The following ZFAND3 variants were observed in gnomAD, a reference collection of about 807,000 sequenced individuals.
The protein encoded by ZFAND3 is zinc finger AN1-type containing 3.
Under a neutral mutation model 29.6 loss-of-function variants are expected in ZFAND3, and 10 were observed. The ratio of observed to expected loss-of-function variants is 0.34; its 90% confidence interval spans 0.21 to 0.57. The LOEUF (loss-of-function observed/expected upper bound fraction) is 0.57, where lower values mean the gene tolerates loss of function less well. ZFAND3 is among the 20% of genes least tolerant of loss of function. The pLI, the probability that ZFAND3 is intolerant of heterozygous loss-of-function variation, is 0.86. For synonymous variants in ZFAND3, 128 were observed against 112.6 expected (o/e 1.14, Z -0.87); for missense variants, 230 against 304.5 (o/e 0.76, Z 1.82).
At chr6:37,828,729 A>G (rs1309003041) in intron 1 of ZFAND3, among the ~76,000 whole-genome samples, 2 of 151,786 alleles carry the variant, frequency 1.3e-5, no homozygotes, top group Admixed American at 1.3e-4. Context: ...GCTCACTGCA[A>G]CCTCTGCCTC....
intron 2 of ZFAND3, among the ~76,000 whole-genome samples, chr6:37,993,811 A>G (rs1213214667): frequency 6.6e-6 from 1 of 152,216 alleles, no homozygotes; most frequent in East Asian, 1.9e-4. Context: ...TTGTCACGTG[A>G]TAATGATTGG....
At chr6:37,904,932 C>T (rs1234819770) in intron 1 of ZFAND3, among the ~76,000 whole-genome samples, 3 of 151,990 alleles carry the variant, frequency 2.0e-5, no homozygotes, top group Admixed American at 6.6e-5. Flanking sequence ...CTAGTGTGTA[C>T]GTGTGTGTAT....
intron 2 of ZFAND3, among the ~76,000 whole-genome samples, chr6:38,014,819 A>G (rs1346821086): frequency 6.6e-6 from 1 of 152,176 alleles, no homozygotes; most frequent in Non-Finnish European, 1.5e-5. Flanking sequence ...GGAAGATGGT[A>G]TAGAGTTAAG....
At chr6:38,045,108 A>G (rs1195295074) in intron 2 of ZFAND3, among the ~76,000 whole-genome samples, 1 of 102,670 alleles carries the variant, frequency 9.7e-6, no homozygotes, top group South Asian at 3.1e-4. Context: ...ATTTATTGAG[A>G]TGGAATCTCA....
intron 1 of ZFAND3, among the ~76,000 whole-genome samples, chr6:37,852,713 T>C (rs1227860919): frequency 1.3e-5 from 2 of 150,288 alleles, no homozygotes; most frequent in East Asian, 3.9e-4. Context: ...TTCCTTTTTC[T>C]TTTCTTTTTT....
chr6:37,979,239 T>C (rs1762540125), intron 2 of ZFAND3, among the ~76,000 whole-genome samples: 1 of 152,224 alleles, frequency 6.6e-6, no homozygotes, highest in South Asian at 2.1e-4. Context: ...TGGTGGTGTT[T>C]TAATATCCAT....
chr6:37,973,642 C>T (rs1194579386), intron 2 of ZFAND3, among the ~76,000 whole-genome samples: 1 of 152,190 alleles, frequency 6.6e-6, no homozygotes, highest in Non-Finnish European at 1.5e-5. Context: ...TTAGATAGCA[C>T]AGCTCTGAAG....
chr6:38,048,750 T>C (rs1763961260), intron 2 of ZFAND3, among the ~76,000 whole-genome samples: 1 of 152,088 alleles, frequency 6.6e-6, no homozygotes, highest in African/African-American at 2.4e-5. Context: ...GTAACTTTCT[T>C]ATGGTCATGC....
At chr6:37,881,075 G>A (rs1764887071) in intron 1 of ZFAND3, among the ~76,000 whole-genome samples, 1 of 151,326 alleles carries the variant, frequency 6.6e-6, no homozygotes, top group African/African-American at 2.4e-5. Context: ...ATTTATTTAT[G>A]TTTTTTGTTT....
At chr6:38,134,564 C>T (rs898781083) in intron 5 of ZFAND3, among the ~76,000 whole-genome samples, 1 of 152,184 alleles carries the variant, frequency 6.6e-6, no homozygotes, top group African/African-American at 2.4e-5. Flanking sequence ...TTGATAGCTT[C>T]TTTCCCTTGC....
chr6:38,057,901 G>A (rs1561983488), intron 2 of ZFAND3, among the ~76,000 whole-genome samples: 1 of 152,168 alleles, frequency 6.6e-6, no homozygotes, highest in African/African-American at 2.4e-5. Flanking sequence ...TTTGTGAGCA[G>A]CCAGTTGGGT....
intron 1 of ZFAND3, among the ~76,000 whole-genome samples, chr6:37,861,344 T>G (rs190541886): frequency 2.8e-4 from 42 of 152,142 alleles, no homozygotes; most frequent in Admixed American, 6.5e-4. Flanking sequence ...GTAGATAAAG[T>G]GGGTATCAAG....
intron 4 of ZFAND3, among the ~76,000 whole-genome samples, chr6:38,110,806 T>C (rs1765300951): frequency 6.6e-6 from 1 of 152,200 alleles, no homozygotes. Flanking sequence ...TCTCCTATTC[T>C]GTATTGTGAG....
intron 4 of ZFAND3, among the ~76,000 whole-genome samples, chr6:38,102,139 C>A (rs932716296): frequency 1.3e-5 from 2 of 152,084 alleles, no homozygotes; most frequent in Non-Finnish European, 2.9e-5. Context: ...TTCTCCTCCT[C>A]CTCCTTCATC....
intron 2 of ZFAND3, among the ~76,000 whole-genome samples, chr6:37,947,242 A>AGT (rs1220859119): frequency 6.6e-6 from 1 of 152,232 alleles, no homozygotes; most frequent in African/African-American, 2.4e-5. Flanking sequence ...AGTCATCTAT[A>AGT]GTAGAGAGCA....
chr6:37,951,367 C>A (rs192389368), intron 2 of ZFAND3, among the ~76,000 whole-genome samples: 9 of 152,114 alleles, frequency 5.9e-5, no homozygotes, highest in African/African-American at 4.8e-5. Flanking sequence ...CCGAGACAGG[C>A]GAATCACGAG....
At chr6:37,998,089 A>G (rs1369228551) in intron 2 of ZFAND3, among the ~76,000 whole-genome samples, 1 of 152,266 alleles carries the variant, frequency 6.6e-6, no homozygotes, top group African/African-American at 2.4e-5. Flanking sequence ...CAATAGGTGA[A>G]TGGATAAACA....
chr6:38,054,218 CAAAAAAAAA>C (rs34198332), intron 2 of ZFAND3, among the ~76,000 whole-genome samples: 1 of 112,046 alleles, frequency 8.9e-6, no homozygotes, highest in African/African-American at 3.5e-5. Context: ...CCATCTCTAT[CAAAAAAAAA>C]AAAAAAAAAA....
intron 5 of ZFAND3, among the ~76,000 whole-genome samples, chr6:38,147,331 T>C (rs916247240): frequency 1.3e-5 from 2 of 152,266 alleles, no homozygotes; most frequent in Admixed American, 1.3e-4. Context: ...TTTCATTCTT[T>C]TTGACTGAAG....
Sources: gnomAD v4.1 joint callset for allele counts (sites outside exome capture counted in the v4.1 genomes callset) on GRCh38, gnomAD v4.1.1 for gene constraint, MANE v1.5 for transcripts, NCBI Gene and HGNC (gene_info 2026-07-23, HGNC 2026-07-21) for gene names.